The following ITGA3 variants were observed in gnomAD, a reference collection of about 807,000 sequenced individuals.
ITGA3 encodes the protein integrin subunit alpha 3.
In ITGA3, 70 loss-of-function variants were observed where a neutral mutation model predicts 131.1. The ratio of observed to expected loss-of-function variants is 0.53; its 90% confidence interval spans 0.44 to 0.65. The LOEUF is 0.65. Among genes scored for constraint, ITGA3 ranks in the 30% least tolerant of loss-of-function variants. ITGA3 has a pLI of 0.00. For missense variants in ITGA3, 1,098 were observed against 1,388.6 expected (o/e 0.79, Z 3.33); for synonymous variants, 537 against 571.6 (o/e 0.94, Z 0.86).
In ITGA3 at chr17:50,070,910, A is replaced by C. The variant is rs2144279652; in HGVS notation, c.731A>C (p.Asp244Ala). 1 of 1,606,422 alleles carries C rather than the reference A, an allele frequency of 6.2e-7. No individual in the cohort carries two copies. Among genetic ancestry groups the C allele is most frequent in the Non-Finnish European group, 8.5e-7 (1 of 1,173,108 alleles). ...GAGTATAGTTACAAGGACCCAGAGGACCAAGGAAACCTCTATATTGGTGAG... is the reference window on the plus strand; with the variant it reads ...GAGTATAGTTACAAGGACCCAGAGGCCCAAGGAAACCTCTATATTGGTGAG... ...LSEYSYKDPE[D>A]QGNLYIGYTM... The change falls in exon 5 of 26, where the codon GAC becomes GCC. Residue 244 changes from aspartate to alanine, a missense_variant. Physicochemically the swap from Asp to Ala is moderately radical, Grantham distance 126 (BLOSUM62 -2). Coordinates refer to ENST00000320031, the MANE Select transcript of ITGA3 (RefSeq NM_002204.4).
chr17:50,084,157 C>G, intron 23 of ITGA3, among the ~76,000 whole-genome samples: 1 of 137,176 alleles, frequency 7.3e-6, no homozygotes, highest in Non-Finnish European at 1.5e-5. Flanking sequence ...TCGCTTGAAC[C>G]TAAGAGAGAA....
chr17:50,087,797 G>A lies in ITGA3; in HGVS notation c.2973G>A (p.Glu991=), dbSNP rs748610151. 1 of 1,613,090 alleles carries A rather than the reference G, an allele frequency of 6.2e-7. No homozygotes were observed. The highest frequency in any genetic ancestry group is 1.3e-5 in the African/African-American group (1 of 74,878). The part of the protein sequence containing the change: ...ELVEELPAEI[E]LWLVLVAVGA... ...TGGAGGAGCTGCCGGCCGAAATCGA[G>A]CTGTGGCTGGTGCTGGTGGCCGTGG... The change falls in exon 24 of 26, where the codon GAG becomes GAA. Residue 991 remains glutamate (E), a synonymous_variant. Transcript: ENST00000320031.
chr17:50,083,939 T>TA (rs1177698356), intron 23 of ITGA3, among the ~76,000 whole-genome samples: 3 of 151,228 alleles, frequency 2.0e-5, no homozygotes, highest in South Asian at 2.1e-4. Flanking sequence ...TGGGAAATAT[T>TA]AAAAAAAATA....
chr17:50,089,335 C>A lies in ITGA3; in HGVS notation c.*257C>A. ...TTCCTATTTATCATAAGTTATGCCTCTGACAGTCCACAGGGGCCACCACCT... is the reference window on the plus strand; with the variant it reads ...TTCCTATTTATCATAAGTTATGCCTATGACAGTCCACAGGGGCCACCACCT... On this transcript the variant is annotated 3_prime_UTR_variant, in exon 26 of 26. Transcript: ENST00000320031. 1 of 1,418,926 alleles carries A rather than the reference C, an allele frequency of 7.0e-7. No individual in the cohort carries two copies. Among genetic ancestry groups the A allele is most frequent in the Non-Finnish European group, 9.7e-7 (1 of 1,027,254 alleles). The allele number at this position is 1,418,926 out of a possible 1,614,324, so 87.9% of individuals were successfully genotyped here. A position where few individuals can be genotyped will look rare whatever the true frequency, so the allele number is the denominator to read the frequency against.
intron 24 of ITGA3, 126 bp from the exon 25 acceptor site, chr17:50,088,099 C>T (rs1181108575): frequency 7.5e-7 from 1 of 1,337,808 alleles, no homozygotes; most frequent in Non-Finnish European, 1.0e-6. Flanking sequence ...CTGACCACAC[C>T]ACCAAGCTGG....
Position 50,074,293 on chromosome 17 carries a change from G to T in ITGA3, c.1382+13G>T. 6.2e-7 allele frequency: 1 copy of T among 1,613,604 alleles called. No individual in the cohort carries two copies. The highest frequency in any genetic ancestry group is 1.1e-5 in the South Asian group (1 of 90,974). ...TTGTGCTGCTGCGGTGAGCCAGGAGGCCAGTGAATAAGGGTCTTTCTCTTC... is the reference window on the plus strand; with the variant it reads ...TTGTGCTGCTGCGGTGAGCCAGGAGTCCAGTGAATAAGGGTCTTTCTCTTC... On this transcript the variant is annotated intron_variant, in intron 9 of 25. Coordinates refer to ENST00000320031, the MANE Select transcript of ITGA3 (RefSeq NM_002204.4).
chr17:50,076,820 C>A, intron 14 of ITGA3, 139 bp downstream of exon 14: 1 of 1,170,054 alleles, frequency 8.5e-7, no homozygotes, highest in Non-Finnish European at 1.2e-6. Context: ...TGGTCAGAAA[C>A]GGGGCTTTCT....
chr17:50,056,474 C>T lies in ITGA3; in HGVS notation c.35C>T (p.Pro12Leu), dbSNP rs1907818312. ...GGCCCCAGCCGCGCGCCCCGCGCCC[C>T]ACGCCTGATGCTCTGTGCGCTCGCC... ...GPGPSRAPRA[P>L]RLMLCALALM... The change falls in exon 1 of 26, where the codon CCA becomes CTA. Residue 12 changes from proline (P) to leucine (L), a missense_variant. Physicochemically the swap from Pro to Leu is moderately conservative, Grantham distance 98. Around this residue, in one of 3 missense-constraint regions of ITGA3, gnomAD observed 43 missense variants for 30.3 expected, o/e 1.42. Coordinates refer to ENST00000320031, the MANE Select transcript of ITGA3 (RefSeq NM_002204.4). The surrounding 1 kb of genome is among the most constrained non-coding windows in gnomAD (Gnocchi z 5.6). The T allele has an allele frequency of 6.5e-7, 1 of 1,547,544 alleles. No individual in the cohort carries two copies. Among genetic ancestry groups the T allele is most frequent in the Non-Finnish European group, 8.7e-7 (1 of 1,146,112 alleles).
At chr17:50,066,519 C>T (rs371283056) in intron 3 of ITGA3, among the ~76,000 whole-genome samples, 47 of 151,714 alleles carry the variant, frequency 3.1e-4, no homozygotes, top group Admixed American at 4.6e-4. Context: ...TGGCCAGGCT[C>T]GGTGGCTCAT....
chr17:50,075,752 G>T lies in ITGA3; in HGVS notation c.1674+17G>T, dbSNP rs373990336. 181 of 1,613,530 alleles carry T rather than the reference G, an allele frequency of 1.1e-4. No individual in the cohort carries two copies. Among genetic ancestry groups the T allele is most frequent in the Non-Finnish European group, 1.5e-4 (174 of 1,179,696 alleles). On this transcript the variant is annotated intron_variant, in intron 12 of 25. Transcript: ENST00000320031. Reference sequence around the variant, plus strand: ...CTCCTGATGGTGAGGGAGGAGCAAGGGTCAGGATGAGGGCTCCCAGGTCCC... The same window carrying T: ...CTCCTGATGGTGAGGGAGGAGCAAGTGTCAGGATGAGGGCTCCCAGGTCCC...
Position 50,089,161 on chromosome 17 carries a change from G to A in ITGA3, c.*83G>A, listed in dbSNP as rs780812895. On this transcript the variant is annotated 3_prime_UTR_variant, in exon 26 of 26. Transcript: ENST00000320031. Reference sequence around the variant, plus strand: ...TTATCAGATCATGCCCAAGTACCACGCAGTGCGGATCCGGGAGGAGGAGCG... The same window carrying A: ...TTATCAGATCATGCCCAAGTACCACACAGTGCGGATCCGGGAGGAGGAGCG... The A allele has an allele frequency of 2.5e-5, 40 of 1,613,034 alleles. No individual in the cohort carries two copies. Among genetic ancestry groups the A allele is most frequent in the Admixed American group, 8.3e-5 (5 of 59,976 alleles).
At position 50,090,116 on chromosome 17, in the gene ITGA3, A is replaced by G; in HGVS notation, c.*1038A>G. On this transcript the variant is annotated 3_prime_UTR_variant, in exon 26 of 26. Coordinates refer to ENST00000320031, the MANE Select transcript of ITGA3 (RefSeq NM_002204.4). ...CAGCCAGCCTCAGAAGGCCCCAGAG[A>G]GACCCTGCAAGACCACGGAGGGAGC... The G allele has an allele frequency of 2.5e-6, 1 of 392,642 alleles. No homozygotes were observed. Among genetic ancestry groups the G allele is most frequent in the Non-Finnish European group, 5.3e-6 (1 of 189,220 alleles). 24.3% of individuals were successfully genotyped at this position (392,642 alleles called of 1,614,324 possible).
intron 23 of ITGA3, 59 bp downstream of exon 23, chr17:50,081,467 A>C: frequency 8.1e-7 from 1 of 1,238,724 alleles, no homozygotes; most frequent in Non-Finnish European, 1.2e-6. Flanking sequence ...AGTACAGGGC[A>C]TCTTTTAAGA....
chr17:50,088,622 T>C (rs1200402590), intron 25 of ITGA3, among the ~76,000 whole-genome samples: 1 of 152,196 alleles, frequency 6.6e-6, no homozygotes, highest in Non-Finnish European at 1.5e-5. Flanking sequence ...CCTTGCTTTC[T>C]GGGGATTGGA....
intron 16 of ITGA3, 117 bp from the exon 17 acceptor site, chr17:50,077,929 G>A: frequency 1.3e-6 from 1 of 765,556 alleles, no homozygotes; most frequent in South Asian, 1.7e-5. Flanking sequence ...CCCAGAATAG[G>A]AGGAGGAGGA....
chr17:50,080,535 GTGTT>G (rs1208609381), intron 22 of ITGA3, among the ~76,000 whole-genome samples, 160 bp downstream of exon 22: 1 of 151,828 alleles, frequency 6.6e-6, no homozygotes, highest in South Asian at 2.1e-4. Context: ...GGATGTGTAT[GTGTT>G]TGTCCCCAGC....
In ITGA3 at chr17:50,074,124, C is replaced by T; in HGVS notation, c.1246-20C>T. 1.2e-6 allele frequency: 2 copies of T among 1,610,386 alleles called. No homozygotes were observed. The highest frequency in any genetic ancestry group is 1.7e-6 in the Non-Finnish European group (2 of 1,176,744). ...CCCTGCTCCCCAGAGCCTGCCCCCA[C>T]CACTTTCCCCTGCCCCCAGGTAATC... On this transcript the variant is annotated intron_variant, in intron 8 of 25. Transcript: ENST00000320031.
At chr17:50,072,930 A>T (rs139200023) in intron 7 of ITGA3, among the ~76,000 whole-genome samples, 316 of 152,242 alleles carry the variant, frequency 2.1e-3, no homozygotes, top group African/African-American at 7.3e-3. Context: ...CACCTGGCTT[A>T]TCTGAAAGTC....
intron 1 of ITGA3, among the ~76,000 whole-genome samples, chr17:50,063,149 C>G (rs573289494): frequency 1.3e-5 from 2 of 148,604 alleles, no homozygotes; most frequent in Admixed American, 1.3e-4. Flanking sequence ...GGACGGGTTG[C>G]CAGGGTCCTA....
Sources: gnomAD v4.1 joint callset for allele counts (sites outside exome capture counted in the v4.1 genomes callset) on GRCh38, gnomAD v4.1.1 for gene constraint, gnomAD v4.1.1 regional missense constraint, Gnocchi (gnomAD v3.1) non-coding constraint, MANE v1.5 for transcripts, NCBI Gene and HGNC (gene_info 2026-07-23, HGNC 2026-07-21) for gene names.